Variants in DEPDC1 observed in about 807,000 individuals in gnomAD.
DEPDC1 encodes DEP domain containing 1.
In DEPDC1, 66 loss-of-function variants were observed where a neutral mutation model predicts 86.8. The ratio of observed to expected loss-of-function variants is 0.76; its 90% CI spans 0.62 to 0.93. The LOEUF (loss-of-function observed/expected upper bound fraction) is 0.93. Ranked by LOEUF, DEPDC1 falls within the 40% of genes least tolerant of loss-of-function variation. The pLI, the probability that DEPDC1 is intolerant of heterozygous loss-of-function variation, is 0.00. For missense variants in DEPDC1, 792 were observed against 935.7 expected, an observed-to-expected ratio of 0.85 and a Z score of 2.00; for synonymous variants, 255 against 314.9, an observed-to-expected ratio of 0.81 and a Z score of 2.02.
Position 68,479,190 on chromosome 1 carries a change from A to G in DEPDC1, c.2066T>C (p.Leu689Ser). The change falls in exon 10 of 12, where the codon TTA (leucine) becomes TCA (serine). Residue 689 changes from leucine (L) to serine (S), a missense_variant. Physicochemically the swap from Leu to Ser is moderately radical, Grantham distance 145. Coordinates refer to ENST00000456315, the MANE Select transcript of DEPDC1 (RefSeq NM_001114120.3). ...HQEILQVPSYLQTAVEKHLDY... is the reference protein window; with the variant it reads ...HQEILQVPSYSQTAVEKHLDY... ...AAGATGTTTTTCCACTGCAGTCTGT[A>G]AGTAAGAGGGTACTTGAAGAATTTC... The G allele has an allele frequency of 1.2e-6, 2 of 1,611,784 alleles. No homozygotes were observed. Among genetic ancestry groups the G allele is most frequent in the African/African-American group, 1.3e-5 (1 of 74,890 alleles).
chr1:68,490,856 A>G (rs2100268807), intron 2 of DEPDC1, among the ~76,000 whole-genome samples: 1 of 152,310 alleles, frequency 6.6e-6, no homozygotes, highest in South Asian at 2.1e-4. Context: ...ATGAAACAGA[A>G]TACAGAGCCC....
intron 9 of DEPDC1, 129 bp from the exon 10 acceptor site, chr1:68,479,449 G>C: frequency 3.2e-6 from 2 of 615,488 alleles, no homozygotes; most frequent in Non-Finnish European, 5.5e-6. Context: ...GTTTAAAAAT[G>C]AGGACAACGA....
chr1:68,493,097 G>A (rs1646240237), intron 2 of DEPDC1, among the ~76,000 whole-genome samples: 1 of 152,152 alleles, frequency 6.6e-6, no homozygotes, highest in Non-Finnish European at 1.5e-5. Flanking sequence ...ACAAGGGCAG[G>A]AACTTGAAGA....
chr1:68,487,058 A>G, intron 5 of DEPDC1, 74 bp from the exon 6 acceptor site: 1 of 1,357,274 alleles, frequency 7.4e-7, no homozygotes, highest in African/African-American at 1.5e-5. Flanking sequence ...TATCACACTT[A>G]CGTGCAATTA....
In DEPDC1 at chr1:68,488,408, A is replaced by T; in HGVS notation, c.687T>A (p.Ser229Arg). The T allele has an allele frequency of 6.3e-7, 1 of 1,598,818 alleles. No individual in the cohort carries two copies. Among genetic ancestry groups the T allele is most frequent in the Non-Finnish European group, 8.5e-7 (1 of 1,175,286 alleles). Residue 229 changes from serine to arginine, a missense_variant, in exon 5 of 12, where the codon AGT becomes AGA. Transcript: ENST00000456315. ...TTTGTAGTATAACTACTCCACGTTTACTTGTATTGGCCATGTTGTACATTA... is the reference window on the plus strand; with the variant it reads ...TTTGTAGTATAACTACTCCACGTTTTCTTGTATTGGCCATGTTGTACATTA... ...QYIMYNMANT[S>R]KRGVVILQNK...
At chr1:68,491,580 TC>T (rs921932820) in intron 2 of DEPDC1, among the ~76,000 whole-genome samples, 3 of 152,120 alleles carry the variant, frequency 2.0e-5, no homozygotes, top group Non-Finnish European at 4.4e-5. Context: ...TGTAAATAAC[TC>T]CTTTTTTAAA....
rs1038081030 is a variant in DEPDC1 at position 68,476,637 on chromosome 1, T to C, written c.*295A>G. 4.7e-6 allele frequency: 1 copy of C among 214,752 alleles called. No homozygotes were observed. Among genetic ancestry groups the C allele is most frequent in the Admixed American group, 5.8e-5 (1 of 17,254 alleles). 13.3% of individuals were successfully genotyped at this position (214,752 alleles called of 1,614,324 possible). On this transcript the variant is annotated 3_prime_UTR_variant, in exon 12 of 12. Coordinates refer to ENST00000456315, the MANE Select transcript of DEPDC1 (RefSeq NM_001114120.3). ...ATTATAGTTTAATCCCTAACACAGCTCAGTTTTCAAAATTCAAGTAAATAA... is the reference window on the plus strand; with the variant it reads ...ATTATAGTTTAATCCCTAACACAGCCCAGTTTTCAAAATTCAAGTAAATAA...
chr1:68,495,985 T>C (rs1191451036), intron 1 of DEPDC1, among the ~76,000 whole-genome samples: 1 of 152,178 alleles, frequency 6.6e-6, no homozygotes, highest in African/African-American at 2.4e-5. Flanking sequence ...ATCCTTCATA[T>C]TGGTAAATAT....
intron 7 of DEPDC1, 95 bp from the exon 8 acceptor site, chr1:68,482,992 C>A: frequency 7.7e-7 from 1 of 1,290,638 alleles, no homozygotes; most frequent in Non-Finnish European, 1.1e-6. Flanking sequence ...TAAAGCATTA[C>A]TATAGTATAT....
At chr1:68,494,859 C>T (rs1212805709) in intron 1 of DEPDC1, among the ~76,000 whole-genome samples, 164 bp from the exon 2 acceptor site, 1 of 152,074 alleles carries the variant, frequency 6.6e-6, no homozygotes, top group Non-Finnish European at 1.5e-5. Flanking sequence ...AATTTTATAT[C>T]TGGCCGGGCA....
intron 7 of DEPDC1, among the ~76,000 whole-genome samples, chr1:68,483,746 A>G (rs1179477188): frequency 1.3e-5 from 2 of 151,988 alleles, no homozygotes; most frequent in Non-Finnish European, 2.9e-5. Context: ...TGAATTATTG[A>G]GTCTGGTAGG....
In DEPDC1 at chr1:68,488,370, C is replaced by T. The variant is rs772201926; in HGVS notation, c.721+4G>A. Reference sequence around the variant, plus strand: ...AAAAGTCCAATTATTTTATTAATACCAACCTGATTTGTTTTGTAGTATAAC... The same window carrying T: ...AAAAGTCCAATTATTTTATTAATACTAACCTGATTTGTTTTGTAGTATAAC... On this transcript the variant is annotated splice_donor_region_variant and intron_variant, in intron 5 of 11. Transcript: ENST00000456315. 5.1e-6 allele frequency: 8 copies of T among 1,575,360 alleles called. No homozygotes were observed. The highest frequency in any genetic ancestry group is 6.0e-6 in the Non-Finnish European group (7 of 1,167,268).
At chr1:68,489,736 CAAAT>C (rs1646216935) in intron 2 of DEPDC1, 128 bp from the exon 3 acceptor site, 3 of 616,240 alleles carry the variant, frequency 4.9e-6, no homozygotes, top group Non-Finnish European at 7.8e-6. Flanking sequence ...AGATTCTAGA[CAAAT>C]AAATTTTCCC....
intron 2 of DEPDC1, among the ~76,000 whole-genome samples, chr1:68,492,360 C>T (rs994583950): frequency 6.6e-6 from 1 of 152,082 alleles, no homozygotes; most frequent in Admixed American, 6.6e-5. Flanking sequence ...AGGTCTTACA[C>T]ATTTTTGGTA....
At position 68,475,035 on chromosome 1, in the gene DEPDC1, A is replaced by G. The variant is rs1188805855; in HGVS notation, c.*1897T>C. 6.6e-6 allele frequency: 1 copy of G among 152,046 alleles called. No homozygotes were observed. Among genetic ancestry groups the G allele is most frequent in the African/African-American group, 2.4e-5 (1 of 41,456 alleles). 9.4% of individuals were successfully genotyped at this position (152,046 alleles called of 1,614,324 possible). On this transcript the variant is annotated 3_prime_UTR_variant, in exon 12 of 12. Transcript: ENST00000456315. The stretch of plus-strand genomic sequence containing the variant: ...ATTCTATGTGAGACACTGTGCTAAC[A>G]CTTTACATGCATTATCCTGCTTAAT...
At position 68,496,785 on chromosome 1, in the gene DEPDC1, G is replaced by A. The variant is rs1646268746; in HGVS notation, c.48+167C>T. 1 of 674,646 alleles carries A rather than the reference G, an allele frequency of 1.5e-6. No homozygotes were observed. The highest frequency in any genetic ancestry group is 1.9e-5 in the South Asian group (1 of 53,348). The allele number at this position is 674,646 out of a possible 1,614,324, so 41.8% of individuals were successfully genotyped here. ...ATAGAGGGAGCGGTGAGTCTGGCAA[G>A]GGTTGCATACCCGCTACTTCTCCTC... On this transcript the variant is annotated intron_variant, in intron 1 of 11. Coordinates refer to ENST00000456315, the MANE Select transcript of DEPDC1 (RefSeq NM_001114120.3). The surrounding 1 kb of genome is among the most constrained non-coding windows in gnomAD (Gnocchi z 4.0).
chr1:68,493,121 G>C (rs1646240450), intron 2 of DEPDC1, among the ~76,000 whole-genome samples: 1 of 152,162 alleles, frequency 6.6e-6, no homozygotes, highest in African/African-American at 2.4e-5. Context: ...GAGAGTTAAA[G>C]GATGAGCAGC....
chr1:68,493,407 C>T (rs1360018904), intron 2 of DEPDC1, among the ~76,000 whole-genome samples: 2 of 152,058 alleles, frequency 1.3e-5, no homozygotes, highest in African/African-American at 4.8e-5. Context: ...AGCAATTATG[C>T]TGACCTGTGG....
Position 68,482,444 on chromosome 1 carries a change from A to G in DEPDC1, c.1364T>C (p.Leu455Pro). 1.9e-6 allele frequency: 3 copies of G among 1,612,952 alleles called. No homozygotes were observed. The highest frequency in any genetic ancestry group is 1.7e-6 in the Non-Finnish European group (2 of 1,179,308). ...FPNIEGQNNKLFLESKPKQEF... is the reference protein window; with the variant it reads ...FPNIEGQNNKPFLESKPKQEF... The stretch of plus-strand genomic sequence containing the variant: ...CTGTTTGGGCTTAGACTCTAAAAAC[A>G]GTTTATTATTTTGTCCTTCTATGTT... Residue 455 changes from leucine (L) to proline (P), a missense_variant, in exon 8 of 12, where the codon CTG (leucine) becomes CCG (proline). Leu to Pro is a moderately conservative substitution (Grantham distance 98). Transcript: ENST00000456315.
Sources: allele counts gnomAD v4.1 joint callset (sites outside exome capture counted in the v4.1 genomes callset), GRCh38; gene constraint gnomAD v4.1.1; non-coding constraint Gnocchi (gnomAD v3.1); transcripts MANE v1.5; gene names NCBI Gene and HGNC (gene_info 2026-07-23, HGNC 2026-07-21).